STARD13: variants seen among roughly 807,000 people sequenced by gnomAD.
STARD13 encodes the protein stAR-related lipid transfer protein 13.
In STARD13, 62 loss-of-function variants were observed where a neutral mutation model predicts 106.4. The ratio of observed to expected loss-of-function variants is 0.58; its 90% CI spans 0.48 to 0.72. STARD13 has a LOEUF of 0.72. STARD13 is among the 30% of genes least tolerant of loss of function. The pLI is 0.00. For missense variants in STARD13, 1,387 were observed against 1,424.0 expected, an observed-to-expected ratio of 0.97 and a Z score of 0.42; for synonymous variants, 565 against 553.0, an observed-to-expected ratio of 1.02 and a Z score of -0.31.
chr13:33,477,216 A>C, the STARD13 span, among the ~76,000 whole-genome samples: 1 of 152,172 alleles, frequency 6.6e-6, no homozygotes, highest in Non-Finnish European at 1.5e-5. Flanking sequence ...AATTCTACAA[A>C]CTTACTTTTC....
chr13:33,242,264 A>G (rs911700312), intron 1 of STARD13, among the ~76,000 whole-genome samples: 1 of 152,170 alleles, frequency 6.6e-6, no homozygotes, highest in Non-Finnish European at 1.5e-5. Flanking sequence ...CCAACAGCTC[A>G]TTGACAACGG....
chr13:33,377,227 A>G, the STARD13 span, among the ~76,000 whole-genome samples: 1 of 152,180 alleles, frequency 6.6e-6, no homozygotes, highest in South Asian at 2.1e-4. Context: ...TCACAGGATT[A>G]CCCTGAGGAT....
intron 1 of STARD13, among the ~76,000 whole-genome samples, chr13:33,184,012 A>G (rs1885502463): frequency 6.6e-6 from 1 of 152,170 alleles, no homozygotes; most frequent in Non-Finnish European, 1.5e-5. Context: ...GAGGAAAAAT[A>G]TATGATGTAA....
chr13:33,204,814 G>A (rs1425314272), intron 1 of STARD13, among the ~76,000 whole-genome samples: 1 of 152,182 alleles, frequency 6.6e-6, no homozygotes, highest in Non-Finnish European at 1.5e-5. Flanking sequence ...ACATGCTCCA[G>A]AGCTCTGACA....
chr13:33,277,682 T>G (rs1891519689), intron 1 of STARD13: 1 of 152,208 alleles, frequency 6.6e-6, no homozygotes. Context: ...CACCCAGGAC[T>G]TCAACTACAT....
chr13:33,546,214 A>AT, the STARD13 span, among the ~76,000 whole-genome samples: 4 of 151,934 alleles, frequency 2.6e-5, no homozygotes, highest in Non-Finnish European at 4.4e-5. Context: ...TCCTTTTCTG[A>AT]TTTTTTTCTC....
In STARD13 at chr13:33,329,643, T is replaced by TTGTGTGTG. The variant is rs1229779802; in HGVS notation, c.124+20639_124+20646dup. Among the ~76,000 whole-genome samples the TTGTGTGTG allele has an allele frequency of 5.1e-3, 533 of 103,998 alleles. 4 individuals carry two copies. Among genetic ancestry groups the TTGTGTGTG allele is most frequent in the African/African-American group, 0.019 (511 of 27,464 alleles). 68.2% of individuals were successfully genotyped at this position (103,998 alleles called of 152,430 possible). On this transcript the variant is annotated intron_variant, in intron 1 of 5. Transcript: ENST00000567873. Reference sequence around the variant, plus strand: ...TTTTTTAAACCTGAATAATATTCCATTGTGTGTGTGTATGTGTGTGTGTGT... The same window carrying TTGTGTGTG: ...TTTTTTAAACCTGAATAATATTCCATTGTGTGTGTGTGTGTGTGTATGTGTGTGTGTGT...
intron 1 of STARD13, among the ~76,000 whole-genome samples, chr13:33,256,968 T>C (rs1178099288): frequency 6.6e-6 from 1 of 152,118 alleles, no homozygotes; most frequent in Non-Finnish European, 1.5e-5. Flanking sequence ...TATATACAGA[T>C]ACAAAAGCTA....
intron 8 of STARD13, chr13:33,117,724 G>A: frequency 1.1e-6 from 1 of 912,666 alleles, no homozygotes; most frequent in Non-Finnish European, 1.3e-6. Context: ...AATTGAATAA[G>A]TTTTAATAAA....
At chr13:33,463,483 G>A in the STARD13 span, among the ~76,000 whole-genome samples, 1 of 152,138 alleles carries the variant, frequency 6.6e-6, no homozygotes, top group African/African-American at 2.4e-5. Flanking sequence ...TGTATATTTT[G>A]GAAACTTGCT....
the STARD13 span, among the ~76,000 whole-genome samples, chr13:33,456,723 A>G: frequency 1.3e-5 from 2 of 152,168 alleles, no homozygotes; most frequent in Non-Finnish European, 2.9e-5. Flanking sequence ...AAGACACACC[A>G]GAAAGCTACC....
chr13:33,332,342 C>T (rs1041541148), intron 1 of STARD13, among the ~76,000 whole-genome samples: 1 of 152,164 alleles, frequency 6.6e-6, no homozygotes, highest in Admixed American at 6.5e-5. Context: ...ATGTCTGTGT[C>T]CCCCTCAAAT....
the STARD13 span, among the ~76,000 whole-genome samples, chr13:33,357,787 G>A: frequency 9.9e-5 from 15 of 152,216 alleles, no homozygotes; most frequent in African/African-American, 2.4e-4. Flanking sequence ...AAAATTAACC[G>A]AGTGTGCTGG....
At chr13:33,598,796 A>G in the STARD13 span, among the ~76,000 whole-genome samples, 1 of 152,254 alleles carries the variant, frequency 6.6e-6, no homozygotes, top group Non-Finnish European at 1.5e-5. Context: ...CTAAACTTCT[A>G]AACAGAAATT....
At chr13:33,420,631 C>T in the STARD13 span, among the ~76,000 whole-genome samples, 1 of 152,222 alleles carries the variant, frequency 6.6e-6, no homozygotes, top group Non-Finnish European at 1.5e-5. Flanking sequence ...AACTCTCCAT[C>T]CCAAATCAAC....
At chr13:33,186,387 A>T (rs1309270141) in intron 1 of STARD13, among the ~76,000 whole-genome samples, 3 of 152,222 alleles carry the variant, frequency 2.0e-5, no homozygotes, top group Non-Finnish European at 4.4e-5. Flanking sequence ...TCTCGTAAAG[A>T]AACAGTGCGA....
At chr13:33,329,237 A>T (rs933832805) in intron 1 of STARD13, among the ~76,000 whole-genome samples, 1 of 150,670 alleles carries the variant, frequency 6.6e-6, no homozygotes, top group African/African-American at 2.5e-5. Flanking sequence ...TCATGGAATT[A>T]CAGGATTTTT....
the STARD13 span, among the ~76,000 whole-genome samples, chr13:33,368,928 T>G: frequency 6.6e-6 from 1 of 152,070 alleles, no homozygotes; most frequent in Non-Finnish European, 1.5e-5. Flanking sequence ...TATCCCCTAC[T>G]GGCATCTCTG....
chr13:33,503,848 T>C, the STARD13 span, among the ~76,000 whole-genome samples: 1 of 152,140 alleles, frequency 6.6e-6, no homozygotes, highest in Admixed American at 6.6e-5. Context: ...TTTCACAATC[T>C]ACCCATCTGA....
Sources: allele counts gnomAD v4.1 joint callset (sites outside exome capture counted in the v4.1 genomes callset), GRCh38; gene constraint gnomAD v4.1.1; transcripts MANE v1.5; gene names NCBI Gene and HGNC (gene_info 2026-07-23, HGNC 2026-07-21).